Variants in TBC1D2 observed in about 807,000 individuals in gnomAD.
TBC1D2 encodes the protein TBC1 domain family member 2.
TBC1D2 carries 58 observed loss-of-function variants against 91.1 expected under a neutral mutation model. That is an observed-to-expected ratio of 0.64 (90% confidence interval 0.52 to 0.79). TBC1D2 has a LOEUF of 0.79. Ranked by LOEUF, TBC1D2 falls within the 30% of genes least tolerant of loss-of-function variation. TBC1D2 has a pLI of 0.00. For synonymous variants in TBC1D2, 482 were observed against 511.5 expected (o/e 0.94, Z 0.78); for missense variants, 1,080 against 1,208.3 (o/e 0.89, Z 1.57).
intron 3 of TBC1D2, among the ~76,000 whole-genome samples, chr9:98,243,534 ATTT>A (rs368728395): frequency 3.2e-5 from 4 of 125,276 alleles, no homozygotes; most frequent in Non-Finnish European, 1.6e-5. Flanking sequence ...CAATGAATGT[ATTT>A]TTTTTTTTTT....
At chr9:98,253,518 C>A (rs1057286579) in intron 1 of TBC1D2, among the ~76,000 whole-genome samples, 1 of 152,236 alleles carries the variant, frequency 6.6e-6, no homozygotes, top group Non-Finnish European at 1.5e-5. Context: ...CAATTCCCCA[C>A]CCTCGGGCCT....
intron 2 of TBC1D2, among the ~76,000 whole-genome samples, chr9:98,245,604 A>G (rs886396309): frequency 2.0e-5 from 3 of 152,180 alleles, no homozygotes; most frequent in Non-Finnish European, 2.9e-5. Context: ...TGTAATCTCA[A>G]TTGTACAGAA....
chr9:98,202,151 G>A (rs1161492540), intron 10 of TBC1D2, among the ~76,000 whole-genome samples: 1 of 152,218 alleles, frequency 6.6e-6, no homozygotes, highest in East Asian at 1.9e-4. Flanking sequence ...CTGGTCCAGG[G>A]ACAGGTGTGT....
intron 3 of TBC1D2, among the ~76,000 whole-genome samples, chr9:98,237,070 C>T (rs2119157554): frequency 6.6e-6 from 1 of 152,194 alleles, no homozygotes; most frequent in South Asian, 2.1e-4. Context: ...GGTGCAGTGG[C>T]TCACGCCTGT....
intron 10 of TBC1D2, among the ~76,000 whole-genome samples, chr9:98,202,474 T>A (rs1248850208): frequency 3.9e-5 from 6 of 152,152 alleles, no homozygotes; most frequent in African/African-American, 1.4e-4. Flanking sequence ...GCTCCCCTCC[T>A]CCCTCACCCA....
chr9:98,243,930 G>T, intron 3 of TBC1D2, 64 bp downstream of exon 3: 1 of 1,559,524 alleles, frequency 6.4e-7, no homozygotes, highest in Non-Finnish European at 8.7e-7. Context: ...AATCACAGTG[G>T]GTCAAGCTCC....
intron 3 of TBC1D2, among the ~76,000 whole-genome samples, chr9:98,233,767 T>C (rs951198252): frequency 6.6e-6 from 1 of 152,204 alleles, no homozygotes; most frequent in Non-Finnish European, 1.5e-5. Flanking sequence ...CCACACACTA[T>C]GTGGCTTATA....
rs1828418588 is a variant in TBC1D2, at chr9:98,199,378, A to C, written c.*3T>G. The C allele has an allele frequency of 6.2e-7, 1 of 1,612,424 alleles. No homozygotes were observed. On this transcript the variant is annotated 3_prime_UTR_variant, in exon 13 of 13. Coordinates refer to ENST00000465784, the MANE Select transcript of TBC1D2 (RefSeq NM_001267571.2). ...AAGGCTGTGGGGAGGGGAGGTGGCC[A>C]AGTCAGGCTTCCCCCTCCACCTCGT...
intron 2 of TBC1D2, 37 bp from the exon 3 acceptor site, chr9:98,244,166 C>T (rs1347385854): frequency 2.5e-6 from 4 of 1,608,680 alleles, no homozygotes; most frequent in African/African-American, 1.3e-5. Flanking sequence ...TCAGCTGGGT[C>T]ACTGCACTTG....
At chr9:98,252,345 G>A (rs1829890320) in intron 1 of TBC1D2, among the ~76,000 whole-genome samples, 1 of 152,206 alleles carries the variant, frequency 6.6e-6, no homozygotes, top group East Asian at 1.9e-4. Context: ...CTATCTCTGT[G>A]TGACATCTCC....
At chr9:98,227,706 C>T (rs561969384) in intron 5 of TBC1D2, among the ~76,000 whole-genome samples, 6 of 151,512 alleles carry the variant, frequency 4.0e-5, no homozygotes, top group African/African-American at 1.5e-4. Context: ...CGCTTGAACC[C>T]GGGAGGCAGA....
chr9:98,208,888 G>A lies in TBC1D2; in HGVS notation c.1930C>T (p.Gln644Ter), dbSNP rs759773034. ...VWRWLVHLRV[Q>*]HLHTPGCYQE... ...TAGCAGCCTGGAGTGTGCAGGTGCT[G>A]GACACGGAGGTGGACCAGCCACCTC... The change falls in exon 9 of 13, where the codon CAG (glutamine) becomes TAG (stop). Residue 644 changes from glutamine to a stop codon, truncating the protein, a stop_gained. Coordinates refer to ENST00000465784, the MANE Select transcript of TBC1D2 (RefSeq NM_001267571.2). LOFTEE classifies it high-confidence loss of function. The A allele has an allele frequency of 9.9e-6, 16 of 1,614,160 alleles. No homozygotes were observed. The highest frequency in any genetic ancestry group is 4.5e-5 in the East Asian group (2 of 44,884).
At chr9:98,250,655 A>G (rs1054470127) in intron 2 of TBC1D2, among the ~76,000 whole-genome samples, 7 of 152,136 alleles carry the variant, frequency 4.6e-5, no homozygotes, top group Non-Finnish European at 1.0e-4. Flanking sequence ...AGCTTTGGAC[A>G]TGCAAAGCAC....
Position 98,207,563 on chromosome 9 carries a change from CCAAT to C in TBC1D2, c.2150+1101_2150+1104del, listed in dbSNP as rs569293189. Among the ~76,000 whole-genome samples, 30 of 152,264 alleles carry C rather than the reference CCAAT, an allele frequency of 2.0e-4. No individual in the cohort carries two copies. The South Asian group carries it at 5.8e-3, about 29-fold the overall frequency. ...GAAGTGGAAATTATTCCTGGCTGGG[CCAAT>C]CAGATTTTTTCTTTGGGGAATTTAG... On this transcript the variant is annotated intron_variant, in intron 9 of 12. Transcript: ENST00000465784.
At chr9:98,214,260 G>A (rs112021917) in intron 6 of TBC1D2, among the ~76,000 whole-genome samples, 10 of 123,380 alleles carry the variant, frequency 8.1e-5, no homozygotes, top group Non-Finnish European at 1.5e-4. Context: ...TGACTCCGAC[G>A]TGGCCAGATT....
rs138892519 is a variant in TBC1D2, at chr9:98,208,846, G to A, written c.1972C>T (p.Arg658Trp). 2,318 of 1,611,616 alleles carry A rather than the reference G, an allele frequency of 1.4e-3. 1 individual carries two copies. Among genetic ancestry groups the A allele is most frequent in the Non-Finnish European group, 1.8e-3 (2,153 of 1,178,032 alleles). Residue 658 changes from arginine to tryptophan, a missense_variant, in exon 9 of 13, where the codon CGG becomes TGG. Transcript: ENST00000465784. ...GCAGGGTGCTCGCGGGCCTGGCCCC[G>A]GCTCAGCAGTTCCTGGTAGCAGCCT... is the stretch of plus-strand genomic sequence containing the variant. ...TPGCYQELLS[R>W]GQAREHPAAR...
chr9:98,225,368 T>C (rs973271300), intron 5 of TBC1D2, among the ~76,000 whole-genome samples: 3 of 152,230 alleles, frequency 2.0e-5, no homozygotes, highest in African/African-American at 7.2e-5. Flanking sequence ...TTAATGGGTA[T>C]TGAAGTCAAC....
At chr9:98,234,374 G>T (rs1297987874) in intron 3 of TBC1D2, among the ~76,000 whole-genome samples, 1 of 152,134 alleles carries the variant, frequency 6.6e-6, no homozygotes, top group Non-Finnish European at 1.5e-5. Flanking sequence ...TAATGAGCTG[G>T]ATGTAAAAAC....
intron 8 of TBC1D2, among the ~76,000 whole-genome samples, chr9:98,209,753 T>TC (rs1405161474): frequency 3.1e-5 from 3 of 97,752 alleles, no homozygotes; most frequent in African/African-American, 1.3e-4. Flanking sequence ...TTTCCTTCCT[T>TC]CCTTTCCTTC....
Sources: gnomAD v4.1 joint callset for allele counts (sites outside exome capture counted in the v4.1 genomes callset) on GRCh38, gnomAD v4.1.1 for gene constraint, MANE v1.5 for transcripts, NCBI Gene and HGNC (gene_info 2026-07-23, HGNC 2026-07-21) for gene names.